Variants in L3MBTL4 observed in about 807,000 individuals in gnomAD.
L3MBTL4 encodes lethal(3)malignant brain tumor-like protein 4.
L3MBTL4 carries 70 observed loss-of-function variants against 84.5 expected under a neutral mutation model. The observed-to-expected ratio is 0.83, with a 90% CI of 0.68 to 1.01. L3MBTL4 has a LOEUF of 1.01. Ranked by LOEUF, L3MBTL4 falls within the 50% of genes least tolerant of loss-of-function variation. The probability of loss-of-function intolerance (pLI) is 0.00; values close to 1 mark genes in which losing one functional copy is unlikely to be tolerated. For missense variants in L3MBTL4, 715 were observed against 754.8 expected (o/e 0.95, Z 0.62); for synonymous variants, 274 against 259.8 (o/e 1.05, Z -0.52).
At chr18:5,983,256 G>A (rs139479835) in intron 16 of L3MBTL4, among the ~76,000 whole-genome samples, 26 of 152,262 alleles carry the variant, frequency 1.7e-4, no homozygotes, top group African/African-American at 5.5e-4. Context: ...TTTGGAATCC[G>A]TAATTTTCTC....
At chr18:6,257,034 T>C (rs1159152940) in intron 5 of L3MBTL4, among the ~76,000 whole-genome samples, 1 of 152,100 alleles carries the variant, frequency 6.6e-6, no homozygotes, top group Non-Finnish European at 1.5e-5. Flanking sequence ...GAGAACCGCT[T>C]GTATTTAAGC....
chr18:6,413,178 T>C (rs548839592), intron 1 of L3MBTL4, among the ~76,000 whole-genome samples: 45 of 152,322 alleles, frequency 3.0e-4, no homozygotes, highest in South Asian at 1.9e-3. Context: ...TTCCCACCAA[T>C]ACCCTTTCTT....
chr18:6,279,696 T>C (rs1377592615), intron 4 of L3MBTL4, among the ~76,000 whole-genome samples: 1 of 152,184 alleles, frequency 6.6e-6, no homozygotes, highest in Non-Finnish European at 1.5e-5. Context: ...CCATAAAATA[T>C]ACTCCATATA....
intron 13 of L3MBTL4, among the ~76,000 whole-genome samples, chr18:6,147,396 C>T (rs989612860): frequency 2.6e-5 from 4 of 151,898 alleles, no homozygotes; most frequent in African/African-American, 9.7e-5. Flanking sequence ...AATAATATAA[C>T]CAAACACCAT....
intron 16 of L3MBTL4, among the ~76,000 whole-genome samples, chr18:6,040,637 C>G (rs1030810422): frequency 1.3e-5 from 2 of 152,198 alleles, no homozygotes; most frequent in African/African-American, 4.8e-5. Flanking sequence ...ACTTTTTACT[C>G]ACATCTCTTT....
At chr18:6,381,608 T>C (rs1308385216) in intron 1 of L3MBTL4, among the ~76,000 whole-genome samples, 3 of 152,358 alleles carry the variant, frequency 2.0e-5, no homozygotes, top group East Asian at 3.9e-4. Flanking sequence ...TTAGGCTGGA[T>C]ATGAAATTCT....
intron 16 of L3MBTL4, among the ~76,000 whole-genome samples, chr18:6,003,013 C>A (rs1484505279): frequency 6.7e-6 from 1 of 149,026 alleles, no homozygotes; most frequent in Non-Finnish European, 1.5e-5. Flanking sequence ...AAGGATATTC[C>A]ATGCAAAAAG....
chr18:6,211,678 C>T (rs1439223542), intron 12 of L3MBTL4, among the ~76,000 whole-genome samples: 2 of 150,532 alleles, frequency 1.3e-5, no homozygotes, highest in East Asian at 3.9e-4. Context: ...AGACAGAGTC[C>T]AGCTCTGTCG....
chr18:6,053,706 C>T (rs2056917249), intron 16 of L3MBTL4, among the ~76,000 whole-genome samples: 1 of 152,198 alleles, frequency 6.6e-6, no homozygotes, highest in Non-Finnish European at 1.5e-5. Flanking sequence ...CGCCTATGGT[C>T]CACTGCAGCA....
intron 1 of L3MBTL4, among the ~76,000 whole-genome samples, chr18:6,404,018 T>A (rs935360393): frequency 6.6e-6 from 1 of 152,036 alleles, no homozygotes; most frequent in African/African-American, 2.4e-5. Flanking sequence ...ACATCAAATA[T>A]TCTCACTTCT....
chr18:6,360,805 C>T (rs1376494824), intron 1 of L3MBTL4, among the ~76,000 whole-genome samples: 3 of 151,976 alleles, frequency 2.0e-5, no homozygotes, highest in African/African-American at 4.8e-5. Flanking sequence ...GCCTGAGTAA[C>T]ATACCAAGAC....
intron 14 of L3MBTL4, among the ~76,000 whole-genome samples, chr18:6,101,361 G>T (rs948202786): frequency 6.6e-6 from 1 of 152,054 alleles, no homozygotes; most frequent in African/African-American, 2.4e-5. Flanking sequence ...TAATGTCCAG[G>T]TTTGCGTGGG....
chr18:6,201,436 T>C (rs764908434), intron 12 of L3MBTL4, among the ~76,000 whole-genome samples: 2 of 152,198 alleles, frequency 1.3e-5, no homozygotes, highest in Non-Finnish European at 2.9e-5. Flanking sequence ...GAAACAGTTC[T>C]CTTGGAGAAC....
chr18:6,256,121 G>A (rs2048128367), intron 5 of L3MBTL4, among the ~76,000 whole-genome samples: 1 of 152,154 alleles, frequency 6.6e-6, no homozygotes, highest in African/African-American at 2.4e-5. Context: ...TTAACAAATA[G>A]GAATTTCCAC....
chr18:6,346,659 G>A (rs1212950738), intron 1 of L3MBTL4, among the ~76,000 whole-genome samples: 1 of 151,978 alleles, frequency 6.6e-6, no homozygotes, highest in Non-Finnish European at 1.5e-5. Flanking sequence ...ACTTCACACT[G>A]TCAGGATGGC....
chr18:6,149,218 T>G (rs1247415347), intron 13 of L3MBTL4, among the ~76,000 whole-genome samples: 4 of 108,502 alleles, frequency 3.7e-5, no homozygotes, highest in Non-Finnish European at 6.9e-5. Flanking sequence ...CCCACAACAG[T>G]CCCCAGTGTG....
chr18:6,036,635 T>G (rs2080505593), intron 16 of L3MBTL4, among the ~76,000 whole-genome samples: 1 of 152,228 alleles, frequency 6.6e-6, no homozygotes, highest in South Asian at 2.1e-4. Flanking sequence ...TGACTTATTT[T>G]TATTCATTTG....
intron 5 of L3MBTL4, among the ~76,000 whole-genome samples, chr18:6,254,281 C>T (rs1370153212): frequency 6.6e-6 from 1 of 152,168 alleles, no homozygotes; most frequent in East Asian, 1.9e-4. Context: ...AATCAACCCA[C>T]TGACTAAATA....
chr18:5,959,660 T>C (rs1441267379), intron 18 of L3MBTL4, among the ~76,000 whole-genome samples: 1 of 152,144 alleles, frequency 6.6e-6, no homozygotes, highest in African/African-American at 2.4e-5. Flanking sequence ...CTTTCCCAGG[T>C]GCAATCCCAA....
Sources: gnomAD v4.1 joint callset for allele counts (sites outside exome capture counted in the v4.1 genomes callset) on GRCh38, gnomAD v4.1.1 for gene constraint, MANE v1.5 for transcripts, NCBI Gene and HGNC (gene_info 2026-07-23, HGNC 2026-07-21) for gene names.